NR2F1-AS1: variants seen among roughly 807,000 people sequenced by gnomAD.
The protein encoded by NR2F1-AS1 is NR2F1 regulatory antisense RNA 1.
intron 4 of NR2F1-AS1, among the ~76,000 whole-genome samples, chr5:93,436,273 A>G (rs1485559775): frequency 6.6e-6 from 1 of 152,238 alleles, no homozygotes; most frequent in Non-Finnish European, 1.5e-5. Context: ...CTTTACAAAT[A>G]GTCAAGTGCT....
At chr5:93,411,927 T>C (rs1434267378) in intron 4 of NR2F1-AS1, among the ~76,000 whole-genome samples, 2 of 152,150 alleles carry the variant, frequency 1.3e-5, no homozygotes, top group African/African-American at 4.8e-5. Flanking sequence ...GAAACAACAG[T>C]TGCAGATAGA....
rs769337886 is a variant in NR2F1-AS1 at position 93,479,174 on chromosome 5, G to A, written n.638+74587C>T. On this transcript the variant is annotated intron_variant and non_coding_transcript_variant, in intron 4 of 5. Coordinates refer to ENST00000660523, the Ensembl canonical transcript of NR2F1-AS1. ...CATGGGGACAATGGCCTGTATGCCT[G>A]GTGCAATTTGCTGGTGCCAGAGTGA... Among the ~76,000 whole-genome samples the A allele has an allele frequency of 3.9e-4, 60 of 152,074 alleles. 1 individual carries two copies. The highest frequency in any genetic ancestry group is 2.8e-3 in the Admixed American group (43 of 15,266).
At chr5:93,455,741 G>C (rs1749930976) in intron 4 of NR2F1-AS1, among the ~76,000 whole-genome samples, 1 of 151,522 alleles carries the variant, frequency 6.6e-6, no homozygotes, top group African/African-American at 2.4e-5. Flanking sequence ...CAAACACAAA[G>C]GATCATCTCA....
chr5:93,541,242 G>A lies in NR2F1-AS1; in HGVS notation n.638+12519C>T, dbSNP rs1751943776. Among the ~76,000 whole-genome samples the A allele has an allele frequency of 3.3e-5, 5 of 152,302 alleles. No homozygotes were observed. In the South Asian group the frequency reaches 1.0e-3, roughly 32 times the overall value. On this transcript the variant is annotated intron_variant and non_coding_transcript_variant, in intron 4 of 5. Coordinates refer to ENST00000660523, the Ensembl canonical transcript of NR2F1-AS1. ...TAAATACAATCAATTGGTTTCCATG[G>A]TGTCTCCCAAGCTTCACTCCTCCCA...
intron 4 of NR2F1-AS1, among the ~76,000 whole-genome samples, chr5:93,493,806 T>C (rs1750901659): frequency 6.6e-6 from 1 of 151,890 alleles, no homozygotes; most frequent in African/African-American, 2.4e-5. Flanking sequence ...AACAATAAAG[T>C]TGGACTCCTA....
At chr5:93,429,189 T>C (rs138051539) in intron 4 of NR2F1-AS1, among the ~76,000 whole-genome samples, 1 of 152,216 alleles carries the variant, frequency 6.6e-6, no homozygotes, top group African/African-American at 2.4e-5. Context: ...TATATGTATG[T>C]GGTTCTTTTA....
chr5:93,574,348 G>A (rs1752846096), intron 1 of NR2F1-AS1, among the ~76,000 whole-genome samples: 1 of 152,196 alleles, frequency 6.6e-6, no homozygotes, highest in South Asian at 2.1e-4. Context: ...ACAGTAACCG[G>A]AGAAAACTGC....
At chr5:93,581,762 TCTCTCCCTCTCCCTCTCC>T (rs1216146534), upstream of NR2F1-AS1, among the ~76,000 whole-genome samples, 281 of 3,422 alleles carry the variant, frequency 0.082, 39 homozygotes, top group African/African-American at 0.18. Flanking sequence ...CTCCCTCTCC[TCTCTCCCTCTCCCTCTCC>T]CTCTCCCTCT....
intron 4 of NR2F1-AS1, among the ~76,000 whole-genome samples, chr5:93,496,652 T>A (rs1750965859): frequency 6.6e-6 from 1 of 152,228 alleles, no homozygotes; most frequent in South Asian, 2.1e-4. Context: ...AATGTCTTCC[T>A]GGCTTTGCCA....
At position 93,493,556 on chromosome 5, in the gene NR2F1-AS1, T is replaced by C. The variant is rs1453249948; in HGVS notation, n.638+60205A>G. On this transcript the variant is annotated intron_variant and non_coding_transcript_variant, in intron 4 of 5. Coordinates refer to ENST00000660523, the Ensembl canonical transcript of NR2F1-AS1. ...AATAGCCAAAACAATATTTCAAAAG[T>C]AACATATGGTTGGAAGACTCAAAAT... is the stretch of plus-strand genomic sequence containing the variant. Among the ~76,000 whole-genome samples, 2 of 152,024 alleles carry C rather than the reference T, an allele frequency of 1.3e-5. 1 individual carries two copies. The highest frequency in any genetic ancestry group is 3.9e-4 in the East Asian group (2 of 5,188).
rs575337423 is a variant in NR2F1-AS1 at position 93,529,916 on chromosome 5, T to C, written n.638+23845A>G. 2.0e-5 allele frequency among the ~76,000 whole-genome samples: 3 copies of C among 152,246 alleles called. No individual in the cohort carries two copies. In the South Asian group the frequency reaches 6.2e-4, roughly 32 times the overall value. ...TCATTGTACCCTTACATCAGCTCTG[T>C]ATCCCATTTTACAAATTAAAAACTA... is the stretch of plus-strand genomic sequence containing the variant. On this transcript the variant is annotated intron_variant and non_coding_transcript_variant, in intron 4 of 5. Coordinates refer to ENST00000660523, the Ensembl canonical transcript of NR2F1-AS1.
chr5:93,562,852 A>C (rs552888402), intron 2 of NR2F1-AS1, among the ~76,000 whole-genome samples: 1 of 152,248 alleles, frequency 6.6e-6, no homozygotes, highest in Non-Finnish European at 1.5e-5. Flanking sequence ...GAATATCTAT[A>C]CTTCGAGAAC....
chr5:93,580,430 C>G, intron 1 of NR2F1-AS1: 1 of 152,402 alleles, frequency 6.6e-6, no homozygotes, highest in Non-Finnish European at 1.5e-5. Context: ...TTACCAACCC[C>G]AAGTTCAAGA....
intron 4 of NR2F1-AS1, among the ~76,000 whole-genome samples, chr5:93,439,506 G>A (rs1749512636): frequency 6.6e-6 from 1 of 152,220 alleles, no homozygotes; most frequent in South Asian, 2.1e-4. Flanking sequence ...GTGTTAGCCA[G>A]GATGGTCTCG....
At chr5:93,538,046 G>T (rs1751874288) in intron 4 of NR2F1-AS1, among the ~76,000 whole-genome samples, 1 of 152,150 alleles carries the variant, frequency 6.6e-6, no homozygotes, top group Non-Finnish European at 1.5e-5. Context: ...CCTTGCAATG[G>T]TATGGTGTCC....
chr5:93,564,112 A>C (rs915501627), intron 1 of NR2F1-AS1, among the ~76,000 whole-genome samples: 1 of 54,486 alleles, frequency 1.8e-5, no homozygotes, highest in Non-Finnish European at 3.3e-5. Flanking sequence ...AAAAAAAAAA[A>C]AAAAAAAAAA....
chr5:93,522,935 A>G (rs2149896327), intron 4 of NR2F1-AS1, among the ~76,000 whole-genome samples: 1 of 151,260 alleles, frequency 6.6e-6, no homozygotes, highest in East Asian at 1.9e-4. Flanking sequence ...GCAGACACCA[A>G]GCTAGCTGCA....
upstream of NR2F1-AS1, chr5:93,583,125 A>G (rs866101856): frequency 2.0e-5 from 3 of 152,100 alleles, no homozygotes; most frequent in African/African-American, 7.2e-5. Flanking sequence ...CCTTGACACG[A>G]GCTCCATATA....
At chr5:93,513,332 T>C (rs559979752) in intron 4 of NR2F1-AS1, among the ~76,000 whole-genome samples, 6 of 152,068 alleles carry the variant, frequency 3.9e-5, no homozygotes, top group African/African-American at 1.2e-4. Flanking sequence ...CAGAAGAAAA[T>C]AAACTGTTCT....
Sources: gnomAD v4.1 joint callset for allele counts (sites outside exome capture counted in the v4.1 genomes callset) on GRCh38, gnomAD v4.1.1 for gene constraint, MANE v1.5 for transcripts, NCBI Gene and HGNC (gene_info 2026-07-23, HGNC 2026-07-21) for gene names.